Variants in NEK11 observed in about 807,000 individuals in gnomAD.
NEK11 encodes serine/threonine-protein kinase Nek11.
In NEK11, 72 loss-of-function variants were observed where a neutral mutation model predicts 80.7. The observed-to-expected ratio is 0.89, with a 90% CI of 0.74 to 1.08. NEK11 has a LOEUF of 1.08. NEK11 is among the 50% of genes least tolerant of loss of function. The pLI is 0.00. For missense variants in NEK11, 764 were observed against 763.6 expected (o/e 1.00, Z -0.01); for synonymous variants, 251 against 260.7 (o/e 0.96, Z 0.36).
chr3:131,179,891 A>C (rs577677220), intron 14 of NEK11, among the ~76,000 whole-genome samples: 1 of 152,164 alleles, frequency 6.6e-6, no homozygotes, highest in African/African-American at 2.4e-5. Context: ...GTACAATATT[A>C]TATTTCTCAA....
At chr3:131,053,922 AT>A (rs1255851374) in intron 3 of NEK11, 1 of 152,282 alleles carries the variant, frequency 6.6e-6, no homozygotes, top group African/African-American at 2.4e-5. Context: ...ATTATTATAA[AT>A]TTTAATTCCT....
intron 16 of NEK11, among the ~76,000 whole-genome samples, chr3:131,272,305 T>TA (rs1316102789): frequency 6.6e-6 from 1 of 151,946 alleles, no homozygotes; most frequent in Non-Finnish European, 1.5e-5. Flanking sequence ...GGACAGTTTT[T>TA]TACTGATGGG....
chr3:131,208,697 T>G (rs2094517231), intron 14 of NEK11, among the ~76,000 whole-genome samples: 1 of 152,226 alleles, frequency 6.6e-6, no homozygotes, highest in Non-Finnish European at 1.5e-5. Flanking sequence ...GTAAGTTGGA[T>G]TCCTAGGTAT....
chr3:131,335,303 G>T (rs1183958195), intron 17 of NEK11, among the ~76,000 whole-genome samples: 1 of 152,196 alleles, frequency 6.6e-6, no homozygotes, highest in Non-Finnish European at 1.5e-5. Context: ...GGGATGCAAG[G>T]CTGGTTCAAT....
intron 17 of NEK11, among the ~76,000 whole-genome samples, chr3:131,286,237 C>T (rs1195118022): frequency 6.6e-6 from 1 of 152,154 alleles, no homozygotes. Context: ...TTATCAACTG[C>T]AAAACAGATG....
chr3:131,193,857 C>G (rs2093897437), intron 14 of NEK11, among the ~76,000 whole-genome samples: 1 of 152,150 alleles, frequency 6.6e-6, no homozygotes. Flanking sequence ...AGCCAAATGC[C>G]TGGCTCCAGC....
At chr3:131,156,543 C>T (rs991505044) in intron 10 of NEK11, among the ~76,000 whole-genome samples, 1 of 152,152 alleles carries the variant, frequency 6.6e-6, no homozygotes, top group African/African-American at 2.4e-5. Context: ...TTGCCCCTTC[C>T]CTCATGCTAA....
chr3:131,309,544 C>T (rs962112779), intron 17 of NEK11, among the ~76,000 whole-genome samples: 5 of 151,996 alleles, frequency 3.3e-5, no homozygotes, highest in Non-Finnish European at 5.9e-5. Flanking sequence ...TGTTTCATTA[C>T]GTCTCAAAAT....
chr3:131,311,284 A>G (rs1035059937), intron 17 of NEK11, among the ~76,000 whole-genome samples: 3 of 152,110 alleles, frequency 2.0e-5, no homozygotes, highest in African/African-American at 7.2e-5. Context: ...TCTTGTAGCT[A>G]TTTTGAAATA....
chr3:131,276,665 A>AATAG (rs2096297155), intron 17 of NEK11, among the ~76,000 whole-genome samples: 1 of 151,996 alleles, frequency 6.6e-6, no homozygotes, highest in Admixed American at 6.6e-5. Context: ...TCCGTTTGAG[A>AATAG]ATAGATTCCA....
chr3:131,201,365 A>G (rs1453067620), intron 14 of NEK11, among the ~76,000 whole-genome samples: 1 of 152,006 alleles, frequency 6.6e-6, no homozygotes, highest in East Asian at 1.9e-4. Context: ...GCCACTGGTT[A>G]ATTTTAAGTT....
chr3:131,287,140 C>A (rs1297213737), intron 17 of NEK11, among the ~76,000 whole-genome samples: 1 of 152,208 alleles, frequency 6.6e-6, no homozygotes, highest in Non-Finnish European at 1.5e-5. Context: ...AGCAGGCATG[C>A]TCTTTGGTGC....
chr3:131,258,811 A>C (rs1476632700), intron 16 of NEK11, among the ~76,000 whole-genome samples: 1 of 152,162 alleles, frequency 6.6e-6, no homozygotes, highest in Non-Finnish European at 1.5e-5. Flanking sequence ...CATATTTCCT[A>C]TAAGTAGCAA....
intron 17 of NEK11, among the ~76,000 whole-genome samples, chr3:131,341,983 G>A (rs1176727398): frequency 6.6e-6 from 1 of 152,232 alleles, no homozygotes; most frequent in Non-Finnish European, 1.5e-5. Flanking sequence ...ATGATGGTGG[G>A]TATTTAAGTC....
Position 131,350,124 on chromosome 3 carries a change from A to G in NEK11, c.*348A>G, listed in dbSNP as rs1270104167. 5 of 241,980 alleles carry G rather than the reference A, an allele frequency of 2.1e-5. No individual in the cohort carries two copies. The highest frequency in any genetic ancestry group is 4.6e-5 in the African/African-American group (2 of 43,490). 15.0% of individuals were successfully genotyped at this position (241,980 alleles called of 1,614,324 possible). ...TGTGCTCTTCATTATTTTCAGCTGG[A>G]GGACAGAGCTCAGTGCCTGACTGCC... On this transcript the variant is annotated 3_prime_UTR_variant, in exon 18 of 18. Coordinates refer to ENST00000383366, the MANE Select transcript of NEK11 (RefSeq NM_024800.5).
chr3:131,106,294 T>G (rs1477602596), intron 4 of NEK11, among the ~76,000 whole-genome samples: 1 of 151,930 alleles, frequency 6.6e-6, no homozygotes, highest in Non-Finnish European at 1.5e-5. Flanking sequence ...GGCTTTTTTT[T>G]TTTTTTTCCC....
chr3:131,035,251 T>G (rs1049741018), intron 3 of NEK11, among the ~76,000 whole-genome samples: 6 of 152,074 alleles, frequency 3.9e-5, no homozygotes, highest in African/African-American at 1.4e-4. Context: ...TACCCAGTTA[T>G]GGAAACAAAA....
chr3:131,272,193 T>G (rs554669988), intron 16 of NEK11, among the ~76,000 whole-genome samples: 2 of 152,312 alleles, frequency 1.3e-5, no homozygotes, highest in East Asian at 3.9e-4. Flanking sequence ...AGGCACATGT[T>G]ATATGAGATA....
intron 17 of NEK11, among the ~76,000 whole-genome samples, chr3:131,281,530 G>A (rs2096395856): frequency 6.6e-6 from 1 of 152,186 alleles, no homozygotes; most frequent in Admixed American, 6.5e-5. Context: ...AGTATTTGCA[G>A]TCTTTCGCTA....
Sources: allele counts gnomAD v4.1 joint callset (sites outside exome capture counted in the v4.1 genomes callset), GRCh38; gene constraint gnomAD v4.1.1; transcripts MANE v1.5; gene names NCBI Gene and HGNC (gene_info 2026-07-23, HGNC 2026-07-21).